The following AGMO variants were observed in gnomAD, a reference collection of about 807,000 sequenced individuals.
AGMO encodes the protein glyceryl-ether monooxygenase.
AGMO carries 75 observed loss-of-function variants against 60.2 expected under a neutral mutation model. The ratio of observed to expected loss-of-function variants is 1.25; its 90% CI spans 1.03 to 1.51. The LOEUF is 1.51. Ranked by LOEUF, AGMO falls within the 40% of genes most tolerant of loss-of-function variation. The probability of loss-of-function intolerance (pLI) is 0.00; values close to 1 mark genes in which losing one functional copy is unlikely to be tolerated. For missense variants in AGMO, 763 were observed against 525.5 expected (o/e 1.45, Z -4.42); for synonymous variants, 261 against 177.1 (o/e 1.47, Z -3.76).
rs75316188 is a variant in AGMO at position 15,428,983 on chromosome 7, T to A, written c.513+2022A>T. On this transcript the variant is annotated intron_variant, in intron 4 of 12. Transcript: ENST00000342526. ...GCAGCAATTTTTTAAGAAGGGAGGATGAACAGTACCGATTTCCTCCATCAC... is the reference window on the plus strand; with the variant it reads ...GCAGCAATTTTTTAAGAAGGGAGGAAGAACAGTACCGATTTCCTCCATCAC... Among the ~76,000 whole-genome samples, 162 of 152,144 alleles carry A rather than the reference T, an allele frequency of 1.1e-3. 1 individual carries two copies. The highest frequency in any genetic ancestry group is 3.8e-3 in the African/African-American group (157 of 41,558).
chr7:15,440,667 A>G (rs1781529015), intron 3 of AGMO, among the ~76,000 whole-genome samples: 1 of 152,216 alleles, frequency 6.6e-6, no homozygotes, highest in African/African-American at 2.4e-5. Flanking sequence ...GTGAGAGCCG[A>G]GAGAGCTCCA....
intron 3 of AGMO, among the ~76,000 whole-genome samples, chr7:15,521,517 T>C (rs750351851): frequency 1.3e-5 from 2 of 152,142 alleles, no homozygotes; most frequent in East Asian, 1.9e-4. Flanking sequence ...GTTGGCTTCA[T>C]CCCTGAGATG....
At chr7:15,464,898 T>C (rs570916092) in intron 3 of AGMO, among the ~76,000 whole-genome samples, 41 of 152,316 alleles carry the variant, frequency 2.7e-4, no homozygotes, top group Admixed American at 7.2e-4. Context: ...TTGTGATTAA[T>C]AACATAAGAT....
chr7:15,325,196 A>G (rs1781298198), intron 12 of AGMO, among the ~76,000 whole-genome samples: 1 of 152,140 alleles, frequency 6.6e-6, no homozygotes, highest in African/African-American at 2.4e-5. Context: ...TCATGCAGTC[A>G]TGTTTAAATT....
chr7:15,381,794 G>A lies in AGMO; in HGVS notation c.1074+3652C>T, dbSNP rs952430756. ...CCTAAATGCCCATCAATGATAGACTGGATAAAGAAAATTAGGTAAGTATAC... is the reference window on the plus strand; with the variant it reads ...CCTAAATGCCCATCAATGATAGACTAGATAAAGAAAATTAGGTAAGTATAC... On this transcript the variant is annotated intron_variant, in intron 10 of 12. Transcript: ENST00000342526. 2.0e-4 allele frequency among the ~76,000 whole-genome samples: 31 copies of A among 152,122 alleles called. 1 individual carries two copies. The highest frequency in any genetic ancestry group is 8.8e-5 in the Non-Finnish European group (6 of 68,030).
the AGMO span, among the ~76,000 whole-genome samples, chr7:15,123,455 C>T: frequency 5.9e-4 from 89 of 150,810 alleles, no homozygotes; most frequent in East Asian, 4.1e-3. Context: ...ATAATATTTG[C>T]GAATGAAAAA....
intron 12 of AGMO, among the ~76,000 whole-genome samples, chr7:15,216,630 A>T (rs1482439432): frequency 1.3e-5 from 2 of 152,112 alleles, no homozygotes; most frequent in African/African-American, 4.8e-5. Flanking sequence ...ATAATAACAA[A>T]ACTCATTTGG....
At chr7:15,466,172 T>C (rs1222758825) in intron 3 of AGMO, among the ~76,000 whole-genome samples, 1 of 152,188 alleles carries the variant, frequency 6.6e-6, no homozygotes, top group Non-Finnish European at 1.5e-5. Context: ...TGATAATAGT[T>C]CATATTTACT....
intron 4 of AGMO, among the ~76,000 whole-genome samples, chr7:15,420,995 T>A (rs193222226): frequency 6.6e-6 from 1 of 152,196 alleles, no homozygotes; most frequent in African/African-American, 2.4e-5. Context: ...CTGAAGGCGA[T>A]CTAAGGCTAA....
chr7:15,434,318 G>A (rs1490113277), intron 3 of AGMO, among the ~76,000 whole-genome samples: 1 of 152,092 alleles, frequency 6.6e-6, no homozygotes, highest in Non-Finnish European at 1.5e-5. Flanking sequence ...CTATCCAACG[G>A]TATTCATGCC....
the AGMO span, among the ~76,000 whole-genome samples, chr7:15,176,007 G>A: frequency 3.3e-5 from 5 of 151,964 alleles, no homozygotes; most frequent in South Asian, 6.2e-4. Flanking sequence ...TGATATCTTC[G>A]TATACAAAGA....
At chr7:15,198,251 G>GAGAGACAGAC (rs1781183725), downstream of AGMO, among the ~76,000 whole-genome samples, 1 of 74,368 alleles carries the variant, frequency 1.3e-5, no homozygotes, top group Non-Finnish European at 2.4e-5. Context: ...GAGAGAGAGA[G>GAGAGACAGAC]AGAGACAGAG....
At chr7:15,451,488 T>A (rs1045498155) in intron 3 of AGMO, among the ~76,000 whole-genome samples, 2 of 152,096 alleles carry the variant, frequency 1.3e-5, no homozygotes, top group Non-Finnish European at 2.9e-5. Context: ...TAAGATGAAG[T>A]CACCAGCAGA....
intron 5 of AGMO, among the ~76,000 whole-genome samples, chr7:15,397,027 C>G (rs193074219): frequency 2.7e-3 from 412 of 152,204 alleles, no homozygotes; most frequent in Non-Finnish European, 3.6e-3. Context: ...CCTTTAGCTA[C>G]ACAGAAAAGT....
intron 3 of AGMO, among the ~76,000 whole-genome samples, chr7:15,471,235 G>C (rs1227609800): frequency 6.6e-6 from 1 of 151,882 alleles, no homozygotes; most frequent in Non-Finnish European, 1.5e-5. Flanking sequence ...CTGGAGGTGA[G>C]CTATTAAATA....
Position 15,385,510 on chromosome 7 carries a change from ATC to A in AGMO, c.1008_1009del (p.Lys336AsnfsTer15). ...CAGAGCAAACTGTACAACTGTATAT[ATC>A]TTTAATAGCTGAGATGAAGATGATG... On this transcript the variant is annotated frameshift_variant, in exon 10 of 13. Transcript: ENST00000342526. LOFTEE classifies it high-confidence loss of function. 1 of 1,613,534 alleles carries A rather than the reference ATC, an allele frequency of 6.2e-7. No homozygotes were observed. The highest frequency in any genetic ancestry group is 8.5e-7 in the Non-Finnish European group (1 of 1,179,650).
intron 10 of AGMO, among the ~76,000 whole-genome samples, chr7:15,375,660 G>A (rs1158214812): frequency 6.6e-6 from 1 of 152,100 alleles, no homozygotes; most frequent in East Asian, 1.9e-4. Flanking sequence ...GCCTCCTAAA[G>A]TGCTGGATTA....
At chr7:15,539,935 G>T (rs1784580095) in intron 3 of AGMO, among the ~76,000 whole-genome samples, 3 of 152,110 alleles carry the variant, frequency 2.0e-5, no homozygotes, top group Admixed American at 2.0e-4. Context: ...GTTATTCTAT[G>T]TAATATATGA....
intron 12 of AGMO, among the ~76,000 whole-genome samples, chr7:15,241,473 A>G (rs1461623967): frequency 8.7e-6 from 1 of 114,854 alleles, no homozygotes; most frequent in African/African-American, 3.0e-5. Flanking sequence ...AAAAAAAAAA[A>G]AAAAAAAAAA....
Sources: allele counts gnomAD v4.1 joint callset (sites outside exome capture counted in the v4.1 genomes callset), GRCh38; gene constraint gnomAD v4.1.1; transcripts MANE v1.5; gene names NCBI Gene and HGNC (gene_info 2026-07-23, HGNC 2026-07-21).